The following EYS variants were observed in gnomAD, a reference collection of about 807,000 sequenced individuals.
EYS encodes protein eyes shut homolog.
In EYS, 250 loss-of-function variants were observed where a neutral mutation model predicts 282.1. That is an observed-to-expected ratio of 0.89 (90% CI 0.80 to 0.98). The LOEUF (loss-of-function observed/expected upper bound fraction) is 0.98. Among genes scored for constraint, EYS ranks in the 50% least tolerant of loss-of-function variants. The pLI, the probability that EYS is intolerant of heterozygous loss-of-function variation, is 0.00. For missense variants in EYS, 4,016 were observed against 3,709.0 expected, an observed-to-expected ratio of 1.08 and a Z score of -2.15; for synonymous variants, 1,355 against 1,282.9, an observed-to-expected ratio of 1.06 and a Z score of -1.20.
chr6:64,949,865 A>G (rs1407638584), intron 14 of EYS, among the ~76,000 whole-genome samples: 1 of 151,942 alleles, frequency 6.6e-6, no homozygotes, highest in Non-Finnish European at 1.5e-5. Context: ...CTTCATAAAT[A>G]TACTTAAGCC....
chr6:63,943,908 T>C (rs1765313592), intron 35 of EYS, among the ~76,000 whole-genome samples: 1 of 152,234 alleles, frequency 6.6e-6, no homozygotes, highest in Admixed American at 6.5e-5. Flanking sequence ...GAGGTTTTCC[T>C]AACATTTGAT....
chr6:65,634,107 C>T (rs898930251), intron 2 of EYS, among the ~76,000 whole-genome samples: 4 of 152,260 alleles, frequency 2.6e-5, no homozygotes, highest in Admixed American at 2.6e-4. Flanking sequence ...TGTCCCTTTC[C>T]TATATTTGCT....
chr6:65,001,939 T>C (rs1226393090), intron 13 of EYS, among the ~76,000 whole-genome samples: 1 of 147,128 alleles, frequency 6.8e-6, no homozygotes, highest in East Asian at 2.1e-4. Context: ...CCATAATATA[T>C]TATGGTTTCA....
At chr6:64,025,751 A>G (rs1045868194) in intron 33 of EYS, among the ~76,000 whole-genome samples, 1 of 152,102 alleles carries the variant, frequency 6.6e-6, no homozygotes, top group Non-Finnish European at 1.5e-5. Flanking sequence ...TATCCTTCCT[A>G]TTCATATAAG....
intron 12 of EYS, among the ~76,000 whole-genome samples, chr6:65,081,722 A>G (rs560271740): frequency 2.6e-4 from 39 of 152,200 alleles, no homozygotes; most frequent in African/African-American, 9.1e-4. Flanking sequence ...ATTGATTTTT[A>G]ATCTACATTT....
intron 21 of EYS, among the ~76,000 whole-genome samples, chr6:64,821,204 G>A (rs1007731498): frequency 2.0e-5 from 3 of 151,960 alleles, no homozygotes; most frequent in Admixed American, 1.3e-4. Context: ...TGTTGCCCAC[G>A]TCTTGATATA....
intron 29 of EYS, among the ~76,000 whole-genome samples, chr6:64,343,394 T>C (rs1408197062): frequency 2.0e-5 from 3 of 151,846 alleles, no homozygotes; most frequent in Non-Finnish European, 2.9e-5. Context: ...GAACTCAGGA[T>C]TAAGAAACTC....
chr6:65,293,477 T>C (rs914295326), intron 12 of EYS, among the ~76,000 whole-genome samples: 2 of 151,868 alleles, frequency 1.3e-5, no homozygotes, highest in African/African-American at 4.8e-5. Context: ...ATGTATCAGC[T>C]TCTTCAAGAA....
intron 22 of EYS, among the ~76,000 whole-genome samples, chr6:64,701,333 C>T (rs1433175744): frequency 6.6e-6 from 1 of 151,966 alleles, no homozygotes; most frequent in Non-Finnish European, 1.5e-5. Flanking sequence ...GCAAATGCAA[C>T]AACAACAAGA....
intron 13 of EYS, among the ~76,000 whole-genome samples, chr6:65,053,815 A>T (rs1456255341): frequency 1.3e-5 from 2 of 151,946 alleles, no homozygotes; most frequent in East Asian, 3.9e-4. Context: ...TATTTTGCTA[A>T]CCTGTATCTA....
intron 14 of EYS, among the ~76,000 whole-genome samples, chr6:64,992,161 G>A (rs552321703): frequency 2.5e-4 from 38 of 151,878 alleles, no homozygotes; most frequent in Non-Finnish European, 4.3e-4. Flanking sequence ...AAATTAAAAT[G>A]TCTAATAATA....
At chr6:63,744,218 C>T (rs1769154815) in intron 41 of EYS, 1 of 152,092 alleles carries the variant, frequency 6.6e-6, no homozygotes, top group Non-Finnish European at 1.5e-5. Flanking sequence ...ATCAGTTAAG[C>T]TGTCTTTGAG....
chr6:65,098,724 A>G (rs1774808151), intron 12 of EYS, among the ~76,000 whole-genome samples: 1 of 150,852 alleles, frequency 6.6e-6, no homozygotes, highest in African/African-American at 2.4e-5. Context: ...TTACAACATT[A>G]CAAATAAATT....
intron 30 of EYS, among the ~76,000 whole-genome samples, chr6:64,238,164 T>C (rs1335042922): frequency 6.6e-6 from 1 of 152,198 alleles, no homozygotes; most frequent in Non-Finnish European, 1.5e-5. Context: ...TTTCTCACCA[T>C]CTTCTATTCT....
intron 36 of EYS, among the ~76,000 whole-genome samples, chr6:63,856,723 G>A (rs78235325): frequency 0.021 from 3,154 of 152,194 alleles, 46 homozygotes; most frequent in Non-Finnish European, 0.032. Context: ...GAAAAATATG[G>A]TTGTATATTT....
At chr6:65,392,276 C>T (rs1766072623) in intron 7 of EYS, among the ~76,000 whole-genome samples, 2 of 151,662 alleles carry the variant, frequency 1.3e-5, no homozygotes, top group African/African-American at 4.8e-5. Context: ...GACTTCATGT[C>T]TAAAACACCA....
chr6:64,902,267 A>G (rs1562250874), intron 17 of EYS, 47 bp from the exon 18 acceptor site: 1 of 1,403,524 alleles, frequency 7.1e-7, no homozygotes, highest in Non-Finnish European at 9.7e-7. Flanking sequence ...TATGTATAAA[A>G]TCAATGCTTC....
chr6:64,816,555 G>A (rs1764746074), intron 21 of EYS, among the ~76,000 whole-genome samples: 1 of 152,078 alleles, frequency 6.6e-6, no homozygotes, highest in Non-Finnish European at 1.5e-5. Flanking sequence ...CCCTAACTTA[G>A]GGATTCAAGA....
intron 12 of EYS, among the ~76,000 whole-genome samples, chr6:65,102,444 T>C (rs1013211776): frequency 1.3e-5 from 2 of 151,316 alleles, no homozygotes; most frequent in Non-Finnish European, 3.0e-5. Flanking sequence ...ATTCATTTCA[T>C]TTTTTTAAAG....
Sources: gnomAD v4.1 joint callset for allele counts (sites outside exome capture counted in the v4.1 genomes callset) on GRCh38, gnomAD v4.1.1 for gene constraint, MANE v1.5 for transcripts, NCBI Gene and HGNC (gene_info 2026-07-23, HGNC 2026-07-21) for gene names.